ULK4: variants seen among roughly 807,000 people sequenced by gnomAD.
ULK4 encodes inactive serine/threonine-protein kinase ULK4.
In ULK4, 133 loss-of-function variants were observed where a neutral mutation model predicts 160.6. The ratio of observed to expected loss-of-function variants is 0.83; its 90% CI spans 0.72 to 0.96. The LOEUF is 0.96. Ranked by LOEUF, ULK4 falls within the 40% of genes least tolerant of loss-of-function variation. ULK4 has a pLI of 0.00. For synonymous variants in ULK4, 534 were observed against 539.8 expected, an observed-to-expected ratio of 0.99 and a Z score of 0.15; for missense variants, 1,580 against 1,499.5, an observed-to-expected ratio of 1.05 and a Z score of -0.89.
At chr3:41,347,054 T>C (rs1413629418) in intron 35 of ULK4, among the ~76,000 whole-genome samples, 3 of 146,616 alleles carry the variant, frequency 2.0e-5, no homozygotes, top group African/African-American at 5.2e-5. Context: ...TTTTTAGACA[T>C]AGGAACAAAT....
chr3:41,471,766 TAAAG>T (rs2083998048), intron 32 of ULK4, among the ~76,000 whole-genome samples: 1 of 151,474 alleles, frequency 6.6e-6, no homozygotes, highest in South Asian at 2.1e-4. Flanking sequence ...AATGAGTTAA[TAAAG>T]AAATTAAAAG....
intron 34 of ULK4, 34 bp from the exon 35 acceptor site, chr3:41,398,298 C>T: frequency 1.2e-6 from 2 of 1,602,690 alleles, no homozygotes; most frequent in Non-Finnish European, 1.7e-6. Context: ...TTTAAATTTC[C>T]TTGAAGACGG....
chr3:41,320,708 G>A (rs1430728448), intron 35 of ULK4, among the ~76,000 whole-genome samples: 1 of 152,136 alleles, frequency 6.6e-6, no homozygotes, highest in Non-Finnish European at 1.5e-5. Flanking sequence ...CTTGAGGTCA[G>A]GAGTTCCAGA....
chr3:41,797,195 A>C (rs1327261289), intron 20 of ULK4, among the ~76,000 whole-genome samples: 1 of 152,170 alleles, frequency 6.6e-6, no homozygotes, highest in East Asian at 1.9e-4. Flanking sequence ...ATGCAAAAAA[A>C]AAAGGTGTTT....
rs2079457572 is a variant in ULK4 at position 41,286,365 on chromosome 3, A to G, written c.3679-36791T>C. ...TAAAGTTCCAGAGCCAGGATTTGGC[A>G]TTAAGTTAACCTGGTAGCTACATGA... On this transcript the variant is annotated intron_variant, in intron 35 of 36. Transcript: ENST00000301831. Among the ~76,000 whole-genome samples, 4 of 152,262 alleles carry G rather than the reference A, an allele frequency of 2.6e-5. No homozygotes were observed. The South Asian group carries it at 8.3e-4, about 32-fold the overall frequency.
intron 34 of ULK4, among the ~76,000 whole-genome samples, chr3:41,403,167 T>TC (rs2082219974): frequency 2.0e-5 from 3 of 151,568 alleles, no homozygotes; most frequent in African/African-American, 7.3e-5. Context: ...AAAAAAAAAG[T>TC]AATTATATAA....
chr3:41,339,666 C>T (rs190219010), intron 35 of ULK4, among the ~76,000 whole-genome samples: 20 of 152,312 alleles, frequency 1.3e-4, no homozygotes, highest in Non-Finnish European at 2.6e-4. Flanking sequence ...ACGAACAAAA[C>T]AATCTCACCT....
At chr3:41,562,457 A>G (rs989491532) in intron 32 of ULK4, among the ~76,000 whole-genome samples, 3 of 152,044 alleles carry the variant, frequency 2.0e-5, no homozygotes, top group Non-Finnish European at 4.4e-5. Flanking sequence ...TATTGACGGT[A>G]GAGTGTTAAA....
chr3:41,542,897 A>G (rs952962558), intron 32 of ULK4, among the ~76,000 whole-genome samples: 1 of 152,014 alleles, frequency 6.6e-6, no homozygotes, highest in Non-Finnish European at 1.5e-5. Context: ...GATAGGGACA[A>G]TTCTTTTCAG....
intron 34 of ULK4, among the ~76,000 whole-genome samples, chr3:41,446,187 C>T (rs1287575637): frequency 2.6e-5 from 4 of 152,178 alleles, no homozygotes; most frequent in Non-Finnish European, 4.4e-5. Context: ...TACCATCTCA[C>T]ACCAGTTAGA....
rs1392944589 is a variant in ULK4 at position 41,283,797 on chromosome 3, C to CA, written c.3679-34224dup. On this transcript the variant is annotated intron_variant, in intron 35 of 36. Coordinates refer to ENST00000301831, the MANE Select transcript of ULK4 (RefSeq NM_017886.4). ...ACCGTAGAACAAACAAACAAACAGA[C>CA]AAAAAAAAACCCTAAAGACTCCCCC... is the stretch of plus-strand genomic sequence containing the variant. Among the ~76,000 whole-genome samples the CA allele has an allele frequency of 2.6e-3, 380 of 148,980 alleles. 1 individual carries two copies. The highest frequency in any genetic ancestry group is 6.1e-3 in the East Asian group (31 of 5,084).
intron 5 of ULK4, among the ~76,000 whole-genome samples, chr3:41,927,200 C>G (rs1699416065): frequency 6.6e-6 from 1 of 152,274 alleles, no homozygotes; most frequent in Middle Eastern, 3.4e-3. Context: ...ATTCAACATT[C>G]TTAAAGAAAA....
chr3:41,940,580 C>T (rs1275247122), intron 2 of ULK4, among the ~76,000 whole-genome samples: 6 of 152,052 alleles, frequency 3.9e-5, no homozygotes, highest in Non-Finnish European at 7.4e-5. Context: ...ATAGCTGGAG[C>T]CCAGGAGTTC....
At chr3:41,372,995 C>T (rs1340571439) in intron 35 of ULK4, among the ~76,000 whole-genome samples, 3 of 152,142 alleles carry the variant, frequency 2.0e-5, no homozygotes, top group Non-Finnish European at 4.4e-5. Flanking sequence ...CAATCCTAGT[C>T]TCTGATAAAA....
intron 31 of ULK4, among the ~76,000 whole-genome samples, chr3:41,603,095 TTAAAA>T (rs1426863053): frequency 6.6e-6 from 1 of 151,858 alleles, no homozygotes; most frequent in African/African-American, 2.4e-5. Flanking sequence ...AGAAACTCAC[TTAAAA>T]TATAATAAAG....
At chr3:41,651,628 T>C (rs2034747080) in intron 30 of ULK4, among the ~76,000 whole-genome samples, 1 of 152,294 alleles carries the variant, frequency 6.6e-6, no homozygotes, top group South Asian at 2.1e-4. Flanking sequence ...TGAAGTTCCA[T>C]GATTCTATGA....
At chr3:41,736,934 A>G (rs1013994554) in intron 22 of ULK4, among the ~76,000 whole-genome samples, 1 of 151,808 alleles carries the variant, frequency 6.6e-6, no homozygotes, top group Non-Finnish European at 1.5e-5. Flanking sequence ...TCCCAGCACC[A>G]TTTATTAAAT....
chr3:41,727,670 G>A (rs907449024), intron 22 of ULK4, among the ~76,000 whole-genome samples: 2 of 152,176 alleles, frequency 1.3e-5, no homozygotes, highest in Non-Finnish European at 2.9e-5. Flanking sequence ...GTAAGGGATT[G>A]TATGCCATGG....
At chr3:41,624,506 T>C (rs2033399534) in intron 30 of ULK4, among the ~76,000 whole-genome samples, 1 of 152,168 alleles carries the variant, frequency 6.6e-6, no homozygotes, top group African/African-American at 2.4e-5. Context: ...GGTCTCTGCA[T>C]GATGCGCACG....
Sources: allele counts gnomAD v4.1 joint callset (sites outside exome capture counted in the v4.1 genomes callset), GRCh38; gene constraint gnomAD v4.1.1; transcripts MANE v1.5; gene names NCBI Gene and HGNC (gene_info 2026-07-23, HGNC 2026-07-21).